The following PDSS2 variants were observed in gnomAD, a reference collection of about 807,000 sequenced individuals.
The protein encoded by PDSS2 is decaprenyl diphosphate synthase subunit 2, also known as all trans-polyprenyl-diphosphate synthase PDSS2.
Under a neutral mutation model 44.5 loss-of-function variants are expected in PDSS2, and 31 were observed. That is an observed-to-expected ratio of 0.70 (90% CI 0.52 to 0.94). The LOEUF is 0.94. Among genes scored for constraint, PDSS2 ranks in the 40% least tolerant of loss-of-function variants. The probability of loss-of-function intolerance (pLI) is 0.00; values close to 1 mark genes in which losing one functional copy is unlikely to be tolerated. For synonymous variants in PDSS2, 157 were observed against 180.3 expected (o/e 0.87, Z 1.03); for missense variants, 452 against 482.2 (o/e 0.94, Z 0.59).
intron 2 of PDSS2, among the ~76,000 whole-genome samples, chr6:107,283,428 G>A (rs1256662917): frequency 6.6e-6 from 1 of 152,098 alleles, no homozygotes; most frequent in African/African-American, 2.4e-5. Context: ...TGTTAAAATA[G>A]GAGAAGAATT....
chr6:107,319,677 T>C (rs571781921), intron 2 of PDSS2, among the ~76,000 whole-genome samples: 23 of 152,194 alleles, frequency 1.5e-4, no homozygotes, highest in Non-Finnish European at 2.9e-4. Flanking sequence ...GCCAAAGCGC[T>C]GCAGACAATA....
chr6:107,245,503 A>G (rs1047266569), intron 4 of PDSS2, 45 bp downstream of exon 4: 2 of 1,035,906 alleles, frequency 1.9e-6, no homozygotes, highest in East Asian at 4.9e-5. Flanking sequence ...TAGTTGTACC[A>G]CGACGGTTTA....
intron 1 of PDSS2, among the ~76,000 whole-genome samples, chr6:107,418,516 A>T (rs1780732334): frequency 1.3e-5 from 2 of 152,314 alleles, no homozygotes; most frequent in South Asian, 4.1e-4. Flanking sequence ...TCACGCCTGT[A>T]ATCCCAGCAC....
At chr6:107,432,507 T>C (rs1424715408) in intron 1 of PDSS2, among the ~76,000 whole-genome samples, 3 of 152,178 alleles carry the variant, frequency 2.0e-5, no homozygotes, top group Non-Finnish European at 4.4e-5. Flanking sequence ...AATCCTCTCT[T>C]TGGCCAGGTA....
At chr6:107,245,743 C>A in intron 3 of PDSS2, 124 bp from the exon 4 acceptor site, 2 of 575,132 alleles carry the variant, frequency 3.5e-6, no homozygotes, top group South Asian at 2.6e-5. Context: ...AAAAATGGGA[C>A]TATGCACCAA....
chr6:107,459,295 C>A lies in PDSS2; in HGVS notation c.-10G>T, dbSNP rs760076688. ...GCTGCCGAAAGTTCATGGTTTGAGT[C>A]TGGAAGGGTCTGGGACCTGGGGGTA... On this transcript the variant is annotated 5_prime_UTR_variant, in exon 1 of 8. Coordinates refer to ENST00000369037, the MANE Select transcript of PDSS2 (RefSeq NM_020381.4). This position sits in a 1 kb window ranked among gnomAD's most constrained non-coding sequence, Gnocchi z 4.3. 6.2e-7 allele frequency: 1 copy of A among 1,613,300 alleles called. No individual in the cohort carries two copies.
intron 1 of PDSS2, among the ~76,000 whole-genome samples, chr6:107,396,678 C>CTTT (rs950671310): frequency 0.043 from 3,393 of 79,222 alleles, 236 homozygotes; most frequent in African/African-American, 0.095. Context: ...CTTCTTTTTT[C>CTTT]TTTTTTTTTT....
chr6:107,213,147 C>A (rs757226121), intron 4 of PDSS2, among the ~76,000 whole-genome samples: 1 of 151,828 alleles, frequency 6.6e-6, no homozygotes, highest in African/African-American at 2.4e-5. Context: ...GTAGCTGGGA[C>A]CACAGGCATG....
At chr6:107,441,266 A>G (rs1006438401) in intron 1 of PDSS2, among the ~76,000 whole-genome samples, 9 of 152,154 alleles carry the variant, frequency 5.9e-5, no homozygotes, top group Non-Finnish European at 1.0e-4. Flanking sequence ...TTCTACCAAC[A>G]TTTCTTTTGG....
intron 2 of PDSS2, among the ~76,000 whole-genome samples, chr6:107,318,404 T>C (rs2500584): frequency 0.97 from 147,407 of 152,142 alleles, 71,568 homozygotes; most frequent in East Asian, 1. Context: ...CTCTGTTTAC[T>C]CAAAAAAGAA....
intron 3 of PDSS2, among the ~76,000 whole-genome samples, chr6:107,263,529 G>C (rs1324306992): frequency 6.6e-6 from 1 of 152,040 alleles, no homozygotes; most frequent in East Asian, 1.9e-4. Flanking sequence ...CTTGTTGTTA[G>C]GTTTCTGGTT....
intron 6 of PDSS2, among the ~76,000 whole-genome samples, chr6:107,208,671 G>A (rs1037173148): frequency 6.1e-5 from 9 of 147,866 alleles, no homozygotes; most frequent in Admixed American, 2.7e-4. Context: ...GTGCAATGGC[G>A]CAATCTCGCT....
At chr6:107,369,908 G>A (rs1201285349) in intron 1 of PDSS2, among the ~76,000 whole-genome samples, 2 of 152,072 alleles carry the variant, frequency 1.3e-5, no homozygotes, top group African/African-American at 4.8e-5. Flanking sequence ...GGAGGCTGAG[G>A]TGAGAGGATC....
rs139479963 is a variant in PDSS2, at chr6:107,440,059, AG to A, written c.296+18930del. Among the ~76,000 whole-genome samples, 1,393 of 152,322 alleles carry A rather than the reference AG, an allele frequency of 9.1e-3. 17 individuals carry two copies. The highest frequency in any genetic ancestry group is 0.029 in the African/African-American group (1,196 of 41,564). On this transcript the variant is annotated intron_variant, in intron 1 of 7. Coordinates refer to ENST00000369037, the MANE Select transcript of PDSS2 (RefSeq NM_020381.4). ...AGTGGCTATACATGTGCTCAACAAC[AG>A]GGATTTCCTCCCACCAAGGCTGAGC...
intron 7 of PDSS2, among the ~76,000 whole-genome samples, chr6:107,191,016 C>T (rs1772358520): frequency 6.6e-6 from 1 of 152,126 alleles, no homozygotes; most frequent in Admixed American, 6.6e-5. Flanking sequence ...CTCAGCCTCC[C>T]AAGTAGCTGG....
chr6:107,437,770 A>C (rs1781400193), intron 1 of PDSS2, among the ~76,000 whole-genome samples: 1 of 152,162 alleles, frequency 6.6e-6, no homozygotes, highest in Non-Finnish European at 1.5e-5. Flanking sequence ...GCACAGTTCT[A>C]ACCCATTTTG....
At chr6:107,423,802 C>G (rs1233611484) in intron 1 of PDSS2, among the ~76,000 whole-genome samples, 2 of 152,116 alleles carry the variant, frequency 1.3e-5, no homozygotes, top group Admixed American at 1.3e-4. Context: ...TACTACCACT[C>G]CTCTTCCTGA....
intron 1 of PDSS2, among the ~76,000 whole-genome samples, chr6:107,456,215 G>A (rs770087935): frequency 6.6e-6 from 1 of 152,184 alleles, no homozygotes; most frequent in Non-Finnish European, 1.5e-5. Flanking sequence ...CAGGTACTTG[G>A]GGGGCTGAGG....
At chr6:107,334,880 G>T (rs866467148) in intron 1 of PDSS2, among the ~76,000 whole-genome samples, 1 of 152,046 alleles carries the variant, frequency 6.6e-6, no homozygotes, top group Non-Finnish European at 1.5e-5. Context: ...AATCTCGCTG[G>T]TGGCAGTGGC....
Sources: allele counts gnomAD v4.1 joint callset (sites outside exome capture counted in the v4.1 genomes callset), GRCh38; gene constraint gnomAD v4.1.1; non-coding constraint Gnocchi (gnomAD v3.1); transcripts MANE v1.5; gene names NCBI Gene and HGNC (gene_info 2026-07-23, HGNC 2026-07-21).